Variants in APP observed in about 807,000 individuals in gnomAD.
APP encodes the protein amyloid-beta precursor protein.
A neutral mutation model predicts 101.4 loss-of-function variants in APP; 31 were observed. The ratio of observed to expected loss-of-function variants is 0.31; its 90% CI spans 0.23 to 0.41. The LOEUF is 0.41. Among genes scored for constraint, APP ranks in the 10% least tolerant of loss-of-function variants. APP has a pLI of 1.00. For missense variants in APP, 839 were observed against 1,003.7 expected, an observed-to-expected ratio of 0.84 and a Z score of 2.22; for synonymous variants, 366 against 364.4, an observed-to-expected ratio of 1.00 and a Z score of -0.05.
chr21:25,917,432 T>C (rs988496512), intron 13 of APP, among the ~76,000 whole-genome samples: 1 of 152,172 alleles, frequency 6.6e-6, no homozygotes, highest in Non-Finnish European at 1.5e-5. Flanking sequence ...TTCTTAGATA[T>C]TCATGATCAT....
intron 5 of APP, among the ~76,000 whole-genome samples, chr21:26,043,124 C>A (rs1398057877): frequency 6.6e-6 from 1 of 152,142 alleles, no homozygotes; most frequent in Non-Finnish European, 1.5e-5. Context: ...CCCTCTTCTG[C>A]CCATGGAAAT....
chr21:25,979,365 T>C (rs2042339837), intron 9 of APP, among the ~76,000 whole-genome samples: 1 of 152,192 alleles, frequency 6.6e-6, no homozygotes, highest in African/African-American at 2.4e-5. Flanking sequence ...GGCACAAAGG[T>C]ATCAATTTCA....
intron 8 of APP, among the ~76,000 whole-genome samples, chr21:25,995,052 G>C (rs2043001426): frequency 6.6e-6 from 1 of 152,076 alleles, no homozygotes; most frequent in African/African-American, 2.4e-5. Flanking sequence ...AGTAGATGGA[G>C]AAAATTACTG....
rs377329647 is a variant in APP at position 26,155,001 on chromosome 21, C to T, written c.57+15563G>A. The stretch of plus-strand genomic sequence containing the variant: ...GTGCGGTGGCTCACAACTGTAATCC[C>T]GGCACTTTGGGAGGCCAAAGCGGCA... On this transcript the variant is annotated intron_variant, in intron 1 of 17. Coordinates refer to ENST00000346798, the MANE Select transcript of APP (RefSeq NM_000484.4). Among the ~76,000 whole-genome samples, 111 of 152,258 alleles carry T rather than the reference C, an allele frequency of 7.3e-4. 1 individual carries two copies. The highest frequency in any genetic ancestry group is 2.4e-3 in the African/African-American group (99 of 41,544).
rs1332994934 is a variant in APP, at chr21:25,982,967, T to A, written c.1091-490A>T. On this transcript the variant is annotated intron_variant, in intron 8 of 17. Coordinates refer to ENST00000346798, the MANE Select transcript of APP (RefSeq NM_000484.4). Reference sequence around the variant, plus strand: ...TAAATGTATGATGTATTTAGATAACTGAATTACGAAGACAACCTTCATGAG... The same window carrying A: ...TAAATGTATGATGTATTTAGATAACAGAATTACGAAGACAACCTTCATGAG... 1.8e-4 allele frequency among the ~76,000 whole-genome samples: 26 copies of A among 147,570 alleles called. No individual in the cohort carries two copies. The Admixed American group carries it at 1.8e-3, about 10-fold the overall frequency.
intron 3 of APP, among the ~76,000 whole-genome samples, chr21:26,062,176 C>A (rs746858710): frequency 6.6e-6 from 1 of 151,822 alleles, no homozygotes; most frequent in South Asian, 2.1e-4. Flanking sequence ...CACCACTGCA[C>A]TCCAGCATGG....
chr21:26,160,215 T>G (rs2063463023), intron 1 of APP, among the ~76,000 whole-genome samples: 1 of 152,188 alleles, frequency 6.6e-6, no homozygotes, highest in South Asian at 2.1e-4. Flanking sequence ...ATTCCAAAAT[T>G]GCAATTTTGT....
chr21:26,028,814 G>C (rs1361292541), intron 5 of APP, among the ~76,000 whole-genome samples: 1 of 152,166 alleles, frequency 6.6e-6, no homozygotes, highest in Non-Finnish European at 1.5e-5. Context: ...TCTATTAGTT[G>C]GGGAGGTGTA....
intron 14 of APP, among the ~76,000 whole-genome samples, chr21:25,909,134 G>T (rs996380044): frequency 6.6e-6 from 1 of 151,904 alleles, no homozygotes; most frequent in Non-Finnish European, 1.5e-5. Context: ...GTGGTGGCGG[G>T]TACCTATAGT....
intron 15 of APP, among the ~76,000 whole-genome samples, chr21:25,901,279 A>G (rs1344728563): frequency 1.4e-5 from 2 of 138,264 alleles, no homozygotes; most frequent in Admixed American, 1.4e-4. Flanking sequence ...GCCTGGAAAC[A>G]GAGACAAATC....
intron 13 of APP, among the ~76,000 whole-genome samples, chr21:25,913,112 T>C (rs1239304159): frequency 6.6e-6 from 1 of 152,244 alleles, no homozygotes; most frequent in Non-Finnish European, 1.5e-5. Flanking sequence ...TAAATTTGAT[T>C]TGTAACATTT....
At chr21:25,914,531 G>C (rs1206200524) in intron 13 of APP, among the ~76,000 whole-genome samples, 1 of 145,656 alleles carries the variant, frequency 6.9e-6, no homozygotes, top group Non-Finnish European at 1.5e-5. Flanking sequence ...GCCTCTGGAG[G>C]ATGCAGCCAC....
intron 13 of APP, among the ~76,000 whole-genome samples, chr21:25,916,433 T>C (rs976440028): frequency 5.3e-5 from 8 of 152,232 alleles, no homozygotes; most frequent in African/African-American, 1.9e-4. Flanking sequence ...GCTCAGGATT[T>C]TACCAGTGGC....
At chr21:26,090,310 T>C (rs1246936743) in intron 2 of APP, among the ~76,000 whole-genome samples, 1 of 152,210 alleles carries the variant, frequency 6.6e-6, no homozygotes, top group East Asian at 1.9e-4. Flanking sequence ...CCAATGAGCA[T>C]TTCCTTTGAG....
intron 1 of APP, among the ~76,000 whole-genome samples, chr21:26,115,894 A>T (rs565329653): frequency 1.3e-5 from 2 of 152,338 alleles, no homozygotes; most frequent in South Asian, 4.1e-4. Context: ...ATAACCACTT[A>T]ACTACTACAT....
At chr21:26,164,992 GAATT>G (rs532061667) in intron 1 of APP, among the ~76,000 whole-genome samples, 10 of 151,510 alleles carry the variant, frequency 6.6e-5, no homozygotes, top group Admixed American at 2.6e-4. Flanking sequence ...CAATGAGCAT[GAATT>G]ATTTTCATTT....
chr21:26,132,523 TAA>T (rs11356038), intron 1 of APP, among the ~76,000 whole-genome samples: 1 of 151,928 alleles, frequency 6.6e-6, no homozygotes. Context: ...CCTCTACCTT[TAA>T]AAAAAAGTTT....
chr21:25,965,038 A>G (rs2041738427), intron 11 of APP, among the ~76,000 whole-genome samples: 1 of 152,248 alleles, frequency 6.6e-6, no homozygotes, highest in African/African-American at 2.4e-5. Flanking sequence ...TTTAGCACCC[A>G]ACACAACCCC....
At chr21:26,135,748 C>T (rs559938627) in intron 1 of APP, among the ~76,000 whole-genome samples, 1 of 152,106 alleles carries the variant, frequency 6.6e-6, no homozygotes. Flanking sequence ...TCTTTATCTC[C>T]CCAATGTCAC....
Sources: allele counts gnomAD v4.1 joint callset (sites outside exome capture counted in the v4.1 genomes callset), GRCh38; gene constraint gnomAD v4.1.1; transcripts MANE v1.5; gene names NCBI Gene and HGNC (gene_info 2026-07-23, HGNC 2026-07-21).